The following TJP1 variants were observed in gnomAD, a reference collection of about 807,000 sequenced individuals.
TJP1 encodes tight junction protein ZO-1.
TJP1 carries 43 observed loss-of-function variants against 194.2 expected under a neutral mutation model. The ratio of observed to expected loss-of-function variants is 0.22; its 90% CI spans 0.17 to 0.29. The LOEUF (loss-of-function observed/expected upper bound fraction) is 0.29, where lower values mean the gene tolerates loss of function less well. Among genes scored for constraint, TJP1 ranks in the 10% least tolerant of loss-of-function variants. The probability of loss-of-function intolerance (pLI) is 1.00; values close to 1 mark genes in which losing one functional copy is unlikely to be tolerated. For synonymous variants in TJP1, 801 were observed against 779.0 expected, an observed-to-expected ratio of 1.03 and a Z score of -0.47; for missense variants, 1,971 against 2,185.7, an observed-to-expected ratio of 0.90 and a Z score of 1.96.
intron 2 of TJP1, among the ~76,000 whole-genome samples, chr15:29,906,609 T>G (rs2053823468): frequency 6.6e-6 from 1 of 152,070 alleles, no homozygotes; most frequent in African/African-American, 2.4e-5. Context: ...AGACAGAGTC[T>G]CACTCTGTCA....
rs574158614 is a variant in TJP1 at position 29,720,147 on chromosome 15, A to T, written c.2764-131T>A. The T allele has an allele frequency of 9.9e-6, 13 of 1,319,246 alleles. No homozygotes were observed. The East Asian group carries it at 2.9e-4, about 30-fold the overall frequency. The allele number at this position is 1,319,246 out of a possible 1,614,324, so 81.7% of individuals were successfully genotyped here. ...ACAAAATTATGACCTCATGTCCTAA[A>T]CTTTTTGGGAAAAAAAAAAAATCCA... On this transcript the variant is annotated intron_variant, in intron 19 of 27. Transcript: ENST00000614355.
intron 15 of TJP1, chr15:29,730,812 C>A: frequency 2.4e-6 from 2 of 844,646 alleles, no homozygotes; most frequent in Non-Finnish European, 4.1e-6. Context: ...TAAACCTGCT[C>A]CTCCAAAGCC....
chr15:29,796,671 CA>C (rs1187773847), intron 2 of TJP1, among the ~76,000 whole-genome samples: 1 of 152,084 alleles, frequency 6.6e-6, no homozygotes, highest in East Asian at 1.9e-4. Flanking sequence ...TAAAAGTTGA[CA>C]AAATTATTCT....
chr15:29,958,052 C>T (rs1382394735), intron 1 of TJP1, among the ~76,000 whole-genome samples: 1 of 152,046 alleles, frequency 6.6e-6, no homozygotes, highest in East Asian at 1.9e-4. Context: ...TAATCTATGT[C>T]TTTTAGTTTT....
intron 23 of TJP1, 55 bp downstream of exon 23, chr15:29,716,556 T>C: frequency 7.7e-7 from 1 of 1,293,888 alleles, no homozygotes; most frequent in Non-Finnish European, 1.1e-6. Context: ...TATATTGAAC[T>C]GCACGGGATT....
intron 2 of TJP1, among the ~76,000 whole-genome samples, chr15:29,945,153 A>T (rs891614053): frequency 6.6e-6 from 1 of 152,232 alleles, no homozygotes; most frequent in Admixed American, 6.5e-5. Flanking sequence ...TGTTTCAAGT[A>T]TATGGTCACG....
intron 2 of TJP1, among the ~76,000 whole-genome samples, chr15:29,908,611 C>A (rs930282474): frequency 4.4e-4 from 67 of 152,208 alleles, no homozygotes; most frequent in African/African-American, 1.4e-3. Flanking sequence ...GGGCACCAGT[C>A]CCAAGAGGGT....
At chr15:29,928,760 G>A (rs1041157670) in intron 2 of TJP1, among the ~76,000 whole-genome samples, 13 of 152,062 alleles carry the variant, frequency 8.5e-5, no homozygotes, top group African/African-American at 1.2e-4. Flanking sequence ...TGGCTAACAC[G>A]GTGAAACCCC....
chr15:29,853,881 A>G (rs1167302359), intron 2 of TJP1, among the ~76,000 whole-genome samples: 2 of 152,218 alleles, frequency 1.3e-5, no homozygotes, highest in Admixed American at 6.5e-5. Flanking sequence ...TTACATGGGA[A>G]TAAAATGATG....
intron 2 of TJP1, among the ~76,000 whole-genome samples, chr15:29,864,237 CAA>C (rs397975539): frequency 4.6e-3 from 87 of 18,932 alleles, no homozygotes; most frequent in South Asian, 0.011. Context: ...ACTAAAAATA[CAA>C]AAAAAAAAAA....
intron 2 of TJP1, among the ~76,000 whole-genome samples, chr15:29,869,690 C>T (rs1255818269): frequency 6.6e-6 from 1 of 152,030 alleles, no homozygotes; most frequent in East Asian, 1.9e-4. Context: ...GACACCGCAT[C>T]ACCCGCTGCC....
chr15:29,714,302 G>A (rs944437110), intron 23 of TJP1, among the ~76,000 whole-genome samples: 3 of 151,780 alleles, frequency 2.0e-5, no homozygotes, highest in Non-Finnish European at 2.9e-5. Flanking sequence ...GCAGTGGCGC[G>A]ATCTCGGCTC....
chr15:29,770,482 G>T (rs1400179331), intron 4 of TJP1, among the ~76,000 whole-genome samples: 1 of 150,714 alleles, frequency 6.6e-6, no homozygotes, highest in Non-Finnish European at 1.5e-5. Flanking sequence ...GAGGCGGGGC[G>T]GATCACGAGA....
chr15:29,943,446 G>A (rs1401368123), intron 2 of TJP1, among the ~76,000 whole-genome samples: 1 of 151,918 alleles, frequency 6.6e-6, no homozygotes, highest in East Asian at 1.9e-4. Flanking sequence ...TGGCCAACAT[G>A]GTGAAACCTC....
intron 2 of TJP1, among the ~76,000 whole-genome samples, chr15:29,855,971 C>G (rs995425949): frequency 1.3e-5 from 2 of 152,124 alleles, no homozygotes; most frequent in Non-Finnish European, 2.9e-5. Flanking sequence ...GAACAACATA[C>G]AGCTGCACGA....
At chr15:29,825,399 G>A (rs2050645182), upstream of TJP1, among the ~76,000 whole-genome samples, 1 of 152,098 alleles carries the variant, frequency 6.6e-6, no homozygotes, top group African/African-American at 2.4e-5. Flanking sequence ...TCTTATTTCT[G>A]ATCATCTCTG....
chr15:29,872,096 T>C (rs1381772093), intron 2 of TJP1, among the ~76,000 whole-genome samples: 1 of 152,122 alleles, frequency 6.6e-6, no homozygotes, highest in African/African-American at 2.4e-5. Flanking sequence ...GGGGACACAA[T>C]GGTGACTGCA....
At chr15:29,821,136 T>C (rs972408103) in intron 1 of TJP1, among the ~76,000 whole-genome samples, 3 of 152,358 alleles carry the variant, frequency 2.0e-5, no homozygotes, top group African/African-American at 7.2e-5. Flanking sequence ...AAAAAATTAA[T>C]ATACAAAATG....
intron 2 of TJP1, among the ~76,000 whole-genome samples, chr15:29,788,489 T>C (rs1199042497): frequency 6.6e-6 from 1 of 152,230 alleles, no homozygotes; most frequent in Non-Finnish European, 1.5e-5. Context: ...TTTGTAAATC[T>C]TGTGAGGTAG....
Sources: gnomAD v4.1 joint callset for allele counts (sites outside exome capture counted in the v4.1 genomes callset) on GRCh38, gnomAD v4.1.1 for gene constraint, MANE v1.5 for transcripts, NCBI Gene and HGNC (gene_info 2026-07-23, HGNC 2026-07-21) for gene names.